IQSEC1: variants seen among roughly 807,000 people sequenced by gnomAD.
IQSEC1 encodes IQ motif and SEC7 domain-containing protein 1.
IQSEC1 carries 31 observed loss-of-function variants against 91.0 expected under a neutral mutation model. That is an observed-to-expected ratio of 0.34 (90% CI 0.26 to 0.46). The LOEUF (loss-of-function observed/expected upper bound fraction) is 0.46. Among genes scored for constraint, IQSEC1 ranks in the 20% least tolerant of loss-of-function variants. The probability of loss-of-function intolerance (pLI) is 1.00; values close to 1 mark genes in which losing one functional copy is unlikely to be tolerated. For missense variants in IQSEC1, 1,388 were observed against 1,575.6 expected (o/e 0.88, Z 2.02); for synonymous variants, 699 against 662.6 (o/e 1.05, Z -0.84).
intron 1 of IQSEC1, among the ~76,000 whole-genome samples, chr3:13,038,931 A>G (rs533467095): frequency 6.6e-6 from 1 of 152,390 alleles, no homozygotes; most frequent in East Asian, 1.9e-4. Flanking sequence ...TGGGAAATCT[A>G]CACACCAAAC....
Position 13,282,288 on chromosome 3 carries a change from G to A in IQSEC1, c.272+423C>T, listed in dbSNP as rs1487846176. On this transcript the variant is annotated intron_variant, in intron 1 of 15. Transcript: ENST00000648114. This position sits in a 1 kb window ranked among gnomAD's most constrained non-coding sequence, Gnocchi z 6.4. ...AGGCCCGCTCCAGGGCGGGATCCGCGCGGCCCGCGACCCCTCCCTACCGGT... is the reference window on the plus strand; with the variant it reads ...AGGCCCGCTCCAGGGCGGGATCCGCACGGCCCGCGACCCCTCCCTACCGGT... Among the ~76,000 whole-genome samples the A allele has an allele frequency of 1.3e-5, 2 of 152,184 alleles. No individual in the cohort carries two copies. The highest frequency in any genetic ancestry group is 6.5e-5 in the Admixed American group (1 of 15,280).
chr3:12,953,109 G>GTTTC (rs1464652728), intron 1 of IQSEC1, among the ~76,000 whole-genome samples: 1 of 152,228 alleles, frequency 6.6e-6, no homozygotes, highest in African/African-American at 2.4e-5. Context: ...GCCAGGGACA[G>GTTTC]TTTCAGGAAG....
Position 12,967,526 on chromosome 3 carries a change from G to A in IQSEC1, c.24-25661C>T. 7.2e-7 allele frequency: 1 copy of A among 1,397,564 alleles called. No individual in the cohort carries two copies. 86.6% of individuals were successfully genotyped at this position (1,397,564 alleles called of 1,614,324 possible). ...GCAGAGGCCGCCGACTCCCGCCAGC[G>A]AGCCGCCGGATCCCGGGGCCGACAC... On this transcript the variant is annotated intron_variant, in intron 1 of 13. Coordinates refer to ENST00000613206, the MANE Select transcript of IQSEC1 (RefSeq NM_001134382.3). This position sits in a 1 kb window ranked among gnomAD's most constrained non-coding sequence, Gnocchi z 5.9.
intron 1 of IQSEC1, among the ~76,000 whole-genome samples, chr3:12,971,239 C>T (rs1428785025): frequency 6.6e-6 from 1 of 152,156 alleles, no homozygotes; most frequent in African/African-American, 2.4e-5. Flanking sequence ...AGCCAGACAC[C>T]CCATGCAAGA....
chr3:13,133,997 C>T (rs939507674), intron 2 of IQSEC1, among the ~76,000 whole-genome samples: 10 of 152,268 alleles, frequency 6.6e-5, no homozygotes, highest in African/African-American at 2.4e-4. Flanking sequence ...GCCTTTCTTA[C>T]AGCAACCTCC....
Position 12,979,804 on chromosome 3 carries a change from C to T in IQSEC1, c.24-37939G>A, listed in dbSNP as rs1284362609. On this transcript the variant is annotated intron_variant, in intron 1 of 13. Transcript: ENST00000613206. This position sits in a 1 kb window ranked among gnomAD's most constrained non-coding sequence, Gnocchi z 4.3. Reference sequence around the variant, plus strand: ...GTGGTATGCTCCATGTCACCAAGAGCTGAGCCTGTGCCTCACCCGGAATCG... The same window carrying T: ...GTGGTATGCTCCATGTCACCAAGAGTTGAGCCTGTGCCTCACCCGGAATCG... Among the ~76,000 whole-genome samples, 3 of 152,174 alleles carry T rather than the reference C, an allele frequency of 2.0e-5. No individual in the cohort carries two copies. The highest frequency in any genetic ancestry group is 6.5e-5 in the Admixed American group (1 of 15,288).
chr3:12,923,581 G>A (rs887627940), intron 4 of IQSEC1, among the ~76,000 whole-genome samples: 2 of 152,238 alleles, frequency 1.3e-5, no homozygotes, highest in South Asian at 4.1e-4. Context: ...CCGTGTATGT[G>A]AGTCTGCGTG....
chr3:13,131,546 G>A (rs1264546695), intron 2 of IQSEC1, among the ~76,000 whole-genome samples: 1 of 141,590 alleles, frequency 7.1e-6, no homozygotes. Flanking sequence ...GAGTGCAGTG[G>A]CACGATCTCA....
Position 12,899,220 on chromosome 3 carries a change from A to C in IQSEC1, c.*1763T>G, listed in dbSNP as rs1243599628. ...CCTGGCCAGCCAGCCAGCCAAGGTG[A>C]CACACAGCCAGAGGGGGCTCCCCTC... On this transcript the variant is annotated 3_prime_UTR_variant, in exon 14 of 14. Transcript: ENST00000613206. The C allele has an allele frequency of 8.7e-6, 6 of 689,906 alleles. No individual in the cohort carries two copies. The highest frequency in any genetic ancestry group is 1.5e-5 in the Non-Finnish European group (6 of 410,300). The allele number at this position is 689,906 out of a possible 1,614,324, so 42.7% of individuals were successfully genotyped here. A position where few individuals can be genotyped will look rare whatever the true frequency, so the allele number is the denominator to read the frequency against.
At chr3:12,988,696 G>A (rs1198689984) in intron 1 of IQSEC1, among the ~76,000 whole-genome samples, 1 of 152,188 alleles carries the variant, frequency 6.6e-6, no homozygotes, top group African/African-American at 2.4e-5. Context: ...AGGGGCACAC[G>A]GGGGCTTTGG....
At chr3:12,996,251 T>C (rs1187254944) in intron 1 of IQSEC1, among the ~76,000 whole-genome samples, 3 of 152,190 alleles carry the variant, frequency 2.0e-5, no homozygotes, top group Non-Finnish European at 2.9e-5. Flanking sequence ...TGAGAAGCCA[T>C]ATACTTTTGT....
At chr3:13,262,085 G>A (rs572377701) in intron 1 of IQSEC1, among the ~76,000 whole-genome samples, 10 of 152,198 alleles carry the variant, frequency 6.6e-5, no homozygotes, top group Non-Finnish European at 1.0e-4. Flanking sequence ...CAGGCCTGGA[G>A]CAGGCCAGCT....
intron 2 of IQSEC1, among the ~76,000 whole-genome samples, chr3:13,118,897 AC>A (rs2124885885): frequency 6.6e-6 from 1 of 152,186 alleles, no homozygotes; most frequent in Non-Finnish European, 1.5e-5. Context: ...ACATGGTGAA[AC>A]CCCGTCACTA....
chr3:13,275,141 C>T (rs9869510), intron 1 of IQSEC1, among the ~76,000 whole-genome samples: 9,485 of 152,272 alleles, frequency 0.062, 386 homozygotes, highest in African/African-American at 0.1. Flanking sequence ...TCACACTTGT[C>T]ACAGGGTTAG....
rs1352518557 is a variant in IQSEC1 at position 13,207,673 on chromosome 3, G to C, written c.273-43540C>G. On this transcript the variant is annotated intron_variant, in intron 1 of 15. Coordinates refer to the IQSEC1 transcript ENST00000648114. The surrounding 1 kb of genome is among the most constrained non-coding windows in gnomAD (Gnocchi z 4.8). ...CCACCCCAGAGCCTCTGCACCCAGG[G>C]CTCCTTCGCCCCTCAGATTCCTGCA... is the stretch of plus-strand genomic sequence containing the variant. Among the ~76,000 whole-genome samples the C allele has an allele frequency of 6.6e-6, 1 of 152,172 alleles. No homozygotes were observed. Among genetic ancestry groups the C allele is most frequent in the African/African-American group, 2.4e-5 (1 of 41,450 alleles).
At chr3:13,216,042 T>C (rs1330410126) in intron 1 of IQSEC1, among the ~76,000 whole-genome samples, 1 of 152,154 alleles carries the variant, frequency 6.6e-6, no homozygotes, top group Non-Finnish European at 1.5e-5. Flanking sequence ...CAAAGACGGG[T>C]AGAGCCACTT....
intron 2 of IQSEC1, among the ~76,000 whole-genome samples, chr3:13,151,754 T>C (rs1482534998): frequency 5.9e-5 from 9 of 151,846 alleles, no homozygotes; most frequent in Admixed American, 5.3e-4. Flanking sequence ...TCACCTGAGG[T>C]CAGGAGTTCA....
intron 1 of IQSEC1, among the ~76,000 whole-genome samples, chr3:13,280,877 G>A (rs745558651): frequency 6.6e-6 from 1 of 152,234 alleles, no homozygotes; most frequent in Non-Finnish European, 1.5e-5. Flanking sequence ...TCCACTAAGG[G>A]GAAGCCAGGT....
intron 1 of IQSEC1, among the ~76,000 whole-genome samples, chr3:13,247,752 C>T (rs1349345422): frequency 1.3e-5 from 2 of 152,126 alleles, no homozygotes; most frequent in East Asian, 1.9e-4. Context: ...GAGGGAGGGC[C>T]GGGGACTTCC....
Sources: gnomAD v4.1 joint callset for allele counts (sites outside exome capture counted in the v4.1 genomes callset) on GRCh38, gnomAD v4.1.1 for gene constraint, Gnocchi (gnomAD v3.1) non-coding constraint, MANE v1.5 for transcripts, NCBI Gene and HGNC (gene_info 2026-07-23, HGNC 2026-07-21) for gene names.